PPP2CB: variants seen among roughly 807,000 people sequenced by gnomAD.
PPP2CB encodes the protein protein phosphatase 2 catalytic subunit beta, also known as serine/threonine-protein phosphatase 2A catalytic subunit beta isoform.
A neutral mutation model predicts 39.1 loss-of-function variants in PPP2CB; 18 were observed. The ratio of observed to expected loss-of-function variants is 0.46; its 90% CI spans 0.32 to 0.68. The LOEUF (loss-of-function observed/expected upper bound fraction) is 0.68. Among genes scored for constraint, PPP2CB ranks in the 30% least tolerant of loss-of-function variants. The pLI, the probability that PPP2CB is intolerant of heterozygous loss-of-function variation, is 0.04. For missense variants in PPP2CB, 226 were observed against 396.9 expected (o/e 0.57, Z 3.66); for synonymous variants, 129 against 133.8 (o/e 0.96, Z 0.25).
intron 6 of PPP2CB, among the ~76,000 whole-genome samples, chr8:30,789,021 C>T (rs1806386866): frequency 6.6e-6 from 1 of 151,480 alleles, no homozygotes; most frequent in Admixed American, 6.6e-5. Flanking sequence ...TAGTGTGCAG[C>T]CCCTGTGGCC....
chr8:30,793,700 AT>A, intron 5 of PPP2CB: 1 of 455,744 alleles, frequency 2.2e-6, no homozygotes, highest in Non-Finnish European at 3.9e-6. Context: ...ATGGGGTACT[AT>A]TTTTGTAACT....
Position 30,791,171 on chromosome 8 carries a change from T to C in PPP2CB, c.857+26A>G, listed in dbSNP as rs149348206. 437 of 1,464,804 alleles carry C rather than the reference T, an allele frequency of 3.0e-4. No individual in the cohort carries two copies. In the African/African-American group the frequency reaches 3.8e-3, roughly 13 times the overall value. The allele number at this position is 1,464,804 out of a possible 1,614,324, so 90.7% of individuals were successfully genotyped here. Reference sequence around the variant, plus strand: ...TTAAAATTTTCCTTCTGAAAGTATATACAATTAAAATTTACAGTTACTCAC... The same window carrying C: ...TTAAAATTTTCCTTCTGAAAGTATACACAATTAAAATTTACAGTTACTCAC... On this transcript the variant is annotated intron_variant, in intron 6 of 6. Coordinates refer to ENST00000221138, the MANE Select transcript of PPP2CB (RefSeq NM_001009552.2).
At chr8:30,791,412 T>G (rs1806426015) in intron 5 of PPP2CB, 97 bp from the exon 6 acceptor site, 1 of 842,960 alleles carries the variant, frequency 1.2e-6, no homozygotes, top group African/African-American at 1.8e-5. Flanking sequence ...ACAGGTACTC[T>G]CTGTGGAAAT....
chr8:30,811,243 T>C (rs1563218543), intron 1 of PPP2CB, among the ~76,000 whole-genome samples: 1 of 152,166 alleles, frequency 6.6e-6, no homozygotes, highest in African/African-American at 2.4e-5. Context: ...ACTTTATATA[T>C]ATTAAAAACA....
At chr8:30,810,593 G>T (rs562728996) in intron 1 of PPP2CB, among the ~76,000 whole-genome samples, 3 of 152,152 alleles carry the variant, frequency 2.0e-5, no homozygotes, top group Non-Finnish European at 4.4e-5. Flanking sequence ...ATTTCACTTC[G>T]CATTAGAGCT....
chr8:30,807,587 C>A (rs1331121307), intron 1 of PPP2CB, among the ~76,000 whole-genome samples: 1 of 152,202 alleles, frequency 6.6e-6, no homozygotes, highest in Non-Finnish European at 1.5e-5. Context: ...TGCCAGCACA[C>A]ACATTGGCTG....
Position 30,791,155 on chromosome 8 carries a change from T to A in PPP2CB, c.857+42A>T, listed in dbSNP as rs560434740. The A allele has an allele frequency of 1.0e-5, 14 of 1,335,426 alleles. No homozygotes were observed. In the South Asian group the frequency reaches 1.7e-4, roughly 16 times the overall value. The allele number at this position is 1,335,426 out of a possible 1,614,324, so 82.7% of individuals were successfully genotyped here. On this transcript the variant is annotated intron_variant, in intron 6 of 6. Transcript: ENST00000221138. ...CTTCTATTTTTAACATTTAAAATTT[T>A]CCTTCTGAAAGTATATACAATTAAA...
At chr8:30,786,835 C>A (rs79338018) in intron 6 of PPP2CB, among the ~76,000 whole-genome samples, 2,421 of 136,716 alleles carry the variant, frequency 0.018, 49 homozygotes, top group African/African-American at 0.072. Flanking sequence ...GGCTAATTTT[C>A]TTATTTTTTT....
At position 30,794,268 on chromosome 8, in the gene PPP2CB, T is replaced by A; in HGVS notation, c.500A>T (p.His167Leu). Residue 167 changes from histidine to leucine, a missense_variant, in exon 4 of 7, where the codon CAT (histidine) becomes CTT (leucine). By Grantham distance (99) the His-to-Leu change is moderately conservative. This residue lies in a region of PPP2CB where 110 missense variants were observed against 244.1 expected (regional missense o/e 0.45). Transcript: ENST00000221138. ...GTCTATGGATGGAGAGAGGCCACCATGGAGGCAGAATATCTATGTATGAAT... is the reference window on the plus strand; with the variant it reads ...GTCTATGGATGGAGAGAGGCCACCAAGGAGGCAGAATATCTATGTATGAAT... ...ALVDGQIFCLHGGLSPSIDTL... is the reference protein window; with the variant it reads ...ALVDGQIFCLLGGLSPSIDTL... 6.2e-7 allele frequency: 1 copy of A among 1,612,362 alleles called. No individual in the cohort carries two copies.
At chr8:30,808,423 T>G (rs1327495918) in intron 1 of PPP2CB, among the ~76,000 whole-genome samples, 1 of 152,094 alleles carries the variant, frequency 6.6e-6, no homozygotes, top group East Asian at 1.9e-4. Context: ...TTAGGCAATC[T>G]GAATTAGAAT....
At chr8:30,802,279 A>G (rs1347494431) in intron 1 of PPP2CB, among the ~76,000 whole-genome samples, 1 of 152,192 alleles carries the variant, frequency 6.6e-6, no homozygotes, top group Admixed American at 6.6e-5. Flanking sequence ...TTAAACAATA[A>G]TTTTACCAGA....
chr8:30,812,357 TG>T lies in PPP2CB; in HGVS notation c.64del (p.Gln22SerfsTer2). ...QWVEQLNECK[Q>X]LNENQVRTLC... ...CGTCCGCACTTGGTTCTCGTTCAGC[TG>T]CTTACACTCGTTCAGCTGCTCGACC... On this transcript the variant is annotated frameshift_variant, in exon 1 of 7. Coordinates refer to ENST00000221138, the MANE Select transcript of PPP2CB (RefSeq NM_001009552.2). LOFTEE classifies it high-confidence loss of function. 1 of 1,558,432 alleles carries T rather than the reference TG, an allele frequency of 6.4e-7. No homozygotes were observed. The highest frequency in any genetic ancestry group is 8.7e-7 in the Non-Finnish European group (1 of 1,149,170).
intron 3 of PPP2CB, among the ~76,000 whole-genome samples, chr8:30,794,708 T>C (rs1023927117): frequency 2.0e-5 from 3 of 152,120 alleles, no homozygotes; most frequent in Non-Finnish European, 2.9e-5. Flanking sequence ...GCCCAAGCAA[T>C]CCTCCTGCCT....
chr8:30,788,249 C>A (rs1000952353), intron 6 of PPP2CB, among the ~76,000 whole-genome samples: 2 of 151,176 alleles, frequency 1.3e-5, no homozygotes, highest in African/African-American at 2.4e-5. Context: ...GATTTCAAAT[C>A]TTCTTGTTTT....
At chr8:30,795,415 T>C (rs1210794935) in intron 3 of PPP2CB, among the ~76,000 whole-genome samples, 1 of 152,178 alleles carries the variant, frequency 6.6e-6, no homozygotes, top group Non-Finnish European at 1.5e-5. Context: ...TCACCTGGCC[T>C]GATGAGAAGG....
intron 3 of PPP2CB, 33 bp downstream of exon 3, chr8:30,797,548 C>T (rs1210493236): frequency 9.0e-6 from 14 of 1,547,572 alleles, no homozygotes; most frequent in Non-Finnish European, 1.2e-5. Context: ...TTCCATTTAC[C>T]TCCTCCCAAG....
intron 1 of PPP2CB, among the ~76,000 whole-genome samples, chr8:30,809,381 T>C (rs1033871578): frequency 2.6e-5 from 4 of 151,886 alleles, no homozygotes; most frequent in Non-Finnish European, 5.9e-5. Flanking sequence ...ACAAGGAGGA[T>C]GGGGTAGGGA....
rs1806846591 is a variant in PPP2CB, at chr8:30,812,214, C to T, written c.102+106G>A. The stretch of plus-strand genomic sequence containing the variant: ...AGCCGGACCCACAGCCCCGCAGGCC[C>T]CCGGTGGGCCGCGCCGGGCCAGGGG... On this transcript the variant is annotated intron_variant, in intron 1 of 6. Transcript: ENST00000221138. The T allele has an allele frequency of 1.1e-5, 9 of 790,454 alleles. No homozygotes were observed. In the South Asian group the frequency reaches 2.9e-4, roughly 26 times the overall value. 49.0% of individuals were successfully genotyped at this position (790,454 alleles called of 1,614,324 possible).
rs187436200 is a variant in PPP2CB, at chr8:30,808,746, C to T, written c.102+3574G>A. Reference sequence around the variant, plus strand: ...CCACTACTTTTCAGGGTTCTATAGCCACTATATAAAAAAAACTCCTTTGAA... The same window carrying T: ...CCACTACTTTTCAGGGTTCTATAGCTACTATATAAAAAAAACTCCTTTGAA... On this transcript the variant is annotated intron_variant, in intron 1 of 6. Coordinates refer to ENST00000221138, the MANE Select transcript of PPP2CB (RefSeq NM_001009552.2). Among the ~76,000 whole-genome samples the T allele has an allele frequency of 1.8e-4, 28 of 151,946 alleles. 1 individual carries two copies. The highest frequency in any genetic ancestry group is 6.3e-4 in the African/African-American group (26 of 41,440).
Sources: allele counts gnomAD v4.1 joint callset (sites outside exome capture counted in the v4.1 genomes callset), GRCh38; gene constraint gnomAD v4.1.1; regional missense constraint gnomAD v4.1.1; transcripts MANE v1.5; gene names NCBI Gene and HGNC (gene_info 2026-07-23, HGNC 2026-07-21).